HLCS: variants seen among roughly 807,000 people sequenced by gnomAD.
HLCS encodes biotin--protein ligase.
Under a neutral mutation model 75.0 loss-of-function variants are expected in HLCS, and 53 were observed. That is an observed-to-expected ratio of 0.71 (90% confidence interval 0.57 to 0.89). The LOEUF (loss-of-function observed/expected upper bound fraction) is 0.89, where lower values mean the gene tolerates loss of function less well. Among genes scored for constraint, HLCS ranks in the 40% least tolerant of loss-of-function variants. The pLI is 0.00. For missense variants in HLCS, 966 were observed against 1,074.0 expected, an observed-to-expected ratio of 0.90 and a Z score of 1.41; for synonymous variants, 431 against 428.6, an observed-to-expected ratio of 1.01 and a Z score of -0.07.
At chr21:36,862,093 A>G (rs754105159) in intron 6 of HLCS, among the ~76,000 whole-genome samples, 1 of 152,224 alleles carries the variant, frequency 6.6e-6, no homozygotes, top group Non-Finnish European at 1.5e-5. Flanking sequence ...AATGTTTTCA[A>G]GGTTCATCCA....
chr21:36,916,412 G>C (rs2065932105), intron 5 of HLCS, among the ~76,000 whole-genome samples: 2 of 151,890 alleles, frequency 1.3e-5, no homozygotes, highest in African/African-American at 2.4e-5. Flanking sequence ...CCTCAGGCTG[G>C]AGTGCAGTGG....
chr21:36,923,911 T>C (rs1044147619), intron 5 of HLCS, among the ~76,000 whole-genome samples: 1 of 152,174 alleles, frequency 6.6e-6, no homozygotes, highest in East Asian at 1.9e-4. Context: ...AAGAGGTATA[T>C]GAAAGACCCT....
chr21:36,952,307 T>C (rs2067703498), intron 2 of HLCS, among the ~76,000 whole-genome samples: 1 of 152,176 alleles, frequency 6.6e-6, no homozygotes, highest in Non-Finnish European at 1.5e-5. Context: ...AATCCCTTTT[T>C]AAGTTTTGAA....
chr21:36,870,546 G>A lies in HLCS; in HGVS notation c.1892+26314C>T, dbSNP rs149676647. Among the ~76,000 whole-genome samples, 106 of 152,120 alleles carry A rather than the reference G, an allele frequency of 7.0e-4. 1 individual carries two copies. Among genetic ancestry groups the A allele is most frequent in the African/African-American group, 2.2e-3 (93 of 41,466 alleles). ...ATTTCTACCTATGTCATCCTCCAAC[G>A]GTTATTGATAAATTTGCTACCTTTG... On this transcript the variant is annotated intron_variant, in intron 6 of 10. Coordinates refer to ENST00000674895, the MANE Select transcript of HLCS (RefSeq NM_001352514.2).
At chr21:36,850,143 A>G (rs2062940002) in intron 6 of HLCS, among the ~76,000 whole-genome samples, 1 of 152,268 alleles carries the variant, frequency 6.6e-6, no homozygotes, top group Admixed American at 6.5e-5. Flanking sequence ...TCTGTGTGGC[A>G]GTGGCCACTT....
At chr21:36,832,702 C>G (rs1183612120) in intron 6 of HLCS, among the ~76,000 whole-genome samples, 2 of 148,886 alleles carry the variant, frequency 1.3e-5, no homozygotes, top group Non-Finnish European at 2.9e-5. Context: ...CATTCCCTAA[C>G]TCTTTGTTCA....
chr21:36,756,213 C>T (rs547228125), intron 10 of HLCS, among the ~76,000 whole-genome samples: 2 of 152,028 alleles, frequency 1.3e-5, no homozygotes, highest in Admixed American at 6.5e-5. Flanking sequence ...CCAAGGCGGG[C>T]AGATCACAAG....
chr21:36,966,425 GCCCGCCCGA>G lies in HLCS; in HGVS notation c.195+10_195+18del, dbSNP rs1192521475. 12 of 195,804 alleles carry G rather than the reference GCCCGCCCGA, an allele frequency of 6.1e-5. No individual in the cohort carries two copies. The highest frequency in any genetic ancestry group is 1.0e-4 in the Non-Finnish European group (12 of 116,874). 12.1% of individuals were successfully genotyped at this position (195,804 alleles called of 1,614,324 possible). A position where few individuals can be genotyped will look rare whatever the true frequency, so the allele number is the denominator to read the frequency against. ...CCGGCTCGCGGGGCCCGGGTCGCCC[GCCCGCCCGA>G]CCCGCCCACCTGGCTGTCGCTGACG... On this transcript the variant is annotated intron_variant, in intron 1 of 10. Transcript: ENST00000674895.
chr21:36,830,032 C>T (rs571973675), intron 6 of HLCS, among the ~76,000 whole-genome samples: 1 of 152,328 alleles, frequency 6.6e-6, no homozygotes. Flanking sequence ...ATTAAGTTAA[C>T]ATGAGGTAAT....
chr21:36,959,657 T>A (rs1028720623), intron 2 of HLCS, among the ~76,000 whole-genome samples: 1 of 152,150 alleles, frequency 6.6e-6, no homozygotes, highest in Non-Finnish European at 1.5e-5. Context: ...TCCTCCCTTC[T>A]GAGCCCATGA....
intron 6 of HLCS, among the ~76,000 whole-genome samples, chr21:36,844,295 G>C (rs2062720343): frequency 6.6e-6 from 1 of 152,018 alleles, no homozygotes; most frequent in Non-Finnish European, 1.5e-5. Flanking sequence ...CTCGTCAATT[G>C]TAATAAATGT....
Position 36,750,725 on chromosome 21 carries a change from G to A in HLCS, c.*3521C>T, listed in dbSNP as rs1438229331. ...AATTACAGTAGCTTGGAATTTTAGT[G>A]AATCATGGCCCTTGTGTTATCTAGA... On this transcript the variant is annotated 3_prime_UTR_variant, in exon 11 of 11. Transcript: ENST00000674895. Among the ~76,000 whole-genome samples, 2 of 151,002 alleles carry A rather than the reference G, an allele frequency of 1.3e-5. No homozygotes were observed. The highest frequency in any genetic ancestry group is 1.5e-5 in the Non-Finnish European group (1 of 67,896).
At chr21:36,920,750 G>T (rs2066129054) in intron 5 of HLCS, among the ~76,000 whole-genome samples, 1 of 151,994 alleles carries the variant, frequency 6.6e-6, no homozygotes, top group Non-Finnish European at 1.5e-5. Context: ...CAACATCACA[G>T]AAGGAAAAAA....
At chr21:36,810,736 C>T (rs1023148361) in intron 6 of HLCS, among the ~76,000 whole-genome samples, 1 of 152,156 alleles carries the variant, frequency 6.6e-6, no homozygotes, top group Admixed American at 6.5e-5. Context: ...TACCATTCCC[C>T]ACTAAAAGGA....
rs888228829 is a variant in HLCS at position 36,846,646 on chromosome 21, A to T, written c.1892+50214T>A. On this transcript the variant is annotated intron_variant, in intron 6 of 10. Transcript: ENST00000674895. ...TGGGAAGAAATAGTTTTCAGAACAA[A>T]GAAAATTCTGAAGGAAAGTCAATAT... Among the ~76,000 whole-genome samples the T allele has an allele frequency of 3.3e-5, 5 of 152,372 alleles. No homozygotes were observed. In the South Asian group the frequency reaches 1.0e-3, roughly 32 times the overall value.
At chr21:36,955,355 G>A (rs1457333351) in intron 2 of HLCS, among the ~76,000 whole-genome samples, 1 of 152,152 alleles carries the variant, frequency 6.6e-6, no homozygotes, top group African/African-American at 2.4e-5. Flanking sequence ...GCTTGGTGAG[G>A]GCTGAGGTGA....
intron 6 of HLCS, among the ~76,000 whole-genome samples, chr21:36,777,792 C>T (rs998243970): frequency 3.3e-5 from 5 of 152,126 alleles, no homozygotes; most frequent in Non-Finnish European, 4.4e-5. Flanking sequence ...TGTCTCCTGA[C>T]ATCAGGGATG....
intron 6 of HLCS, among the ~76,000 whole-genome samples, chr21:36,801,857 C>A (rs571838493): frequency 1.3e-5 from 2 of 151,738 alleles, no homozygotes; most frequent in East Asian, 3.9e-4. Flanking sequence ...TGGTCTCAAA[C>A]TCCTGGTCTC....
chr21:36,901,482 T>C (rs1293053381), intron 5 of HLCS, among the ~76,000 whole-genome samples: 2 of 152,202 alleles, frequency 1.3e-5, no homozygotes, highest in Non-Finnish European at 2.9e-5. Flanking sequence ...ACCGGGTGGC[T>C]TGAGATGCCA....
Sources: allele counts gnomAD v4.1 joint callset (sites outside exome capture counted in the v4.1 genomes callset), GRCh38; gene constraint gnomAD v4.1.1; transcripts MANE v1.5; gene names NCBI Gene and HGNC (gene_info 2026-07-23, HGNC 2026-07-21).